The following TMCC1 variants were observed in gnomAD, a reference collection of about 807,000 sequenced individuals.
TMCC1 encodes the protein transmembrane and coiled-coil domain family 1.
TMCC1 carries 15 observed loss-of-function variants against 52.4 expected under a neutral mutation model. The ratio of observed to expected loss-of-function variants is 0.29; its 90% CI spans 0.19 to 0.44. TMCC1 has a LOEUF of 0.44. TMCC1 is among the 20% of genes least tolerant of loss of function. TMCC1 has a pLI of 1.00. For missense variants in TMCC1, 503 were observed against 806.0 expected (o/e 0.62, Z 4.55); for synonymous variants, 279 against 301.9 (o/e 0.92, Z 0.79).
intron 4 of TMCC1, among the ~76,000 whole-genome samples, chr3:129,706,327 T>C (rs2048243393): frequency 6.6e-6 from 1 of 151,760 alleles, no homozygotes; most frequent in Admixed American, 6.6e-5. Context: ...TGCCTCAGCC[T>C]CCTGAGTAGC....
chr3:129,692,123 T>G (rs1382053687), intron 4 of TMCC1, among the ~76,000 whole-genome samples: 1 of 152,224 alleles, frequency 6.6e-6, no homozygotes, highest in Non-Finnish European at 1.5e-5. Flanking sequence ...ATATACAGTT[T>G]ATTTCACTTG....
At chr3:129,880,864 C>CTT (rs62895562) in intron 1 of TMCC1, among the ~76,000 whole-genome samples, 6 of 136,052 alleles carry the variant, frequency 4.4e-5, no homozygotes, top group Middle Eastern at 3.8e-3. Flanking sequence ...AATTTTTTTT[C>CTT]TTTTTTTTTT....
chr3:129,845,741 TAA>T (rs1479089710), intron 2 of TMCC1, among the ~76,000 whole-genome samples: 3 of 152,162 alleles, frequency 2.0e-5, no homozygotes, highest in Non-Finnish European at 4.4e-5. Flanking sequence ...CCAAAGAGCC[TAA>T]GTGTCTGTGA....
intron 2 of TMCC1, among the ~76,000 whole-genome samples, chr3:129,846,355 A>T (rs2059664661): frequency 6.6e-6 from 1 of 152,198 alleles, no homozygotes; most frequent in Admixed American, 6.5e-5. Flanking sequence ...TACTTATAGA[A>T]GTGAAACCTT....
Position 129,670,450 on chromosome 3 carries a change from T to C in TMCC1, c.1391A>G (p.His464Arg), listed in dbSNP as rs763234013. The stretch of plus-strand genomic sequence containing the variant: ...GGTTTCCCGGATCTCCTGGATCTCA[T>C]GTAGTAGTGCATCAAATCCTGAGCT... ...MQSSGFDALL[H>R]EIQEIRETQA... Residue 464 changes from histidine to arginine, a missense_variant, in exon 5 of 7, where the codon CAT becomes CGT. His to Arg is a conservative substitution (Grantham distance 29). This residue lies in a region of TMCC1 where 121 missense variants were observed against 193.6 expected (regional missense o/e 0.62). Coordinates refer to ENST00000393238, the MANE Select transcript of TMCC1 (RefSeq NM_001017395.5). 7.4e-6 allele frequency: 12 copies of C among 1,614,088 alleles called. No individual in the cohort carries two copies. In the Admixed American group the frequency reaches 8.3e-5, roughly 11 times the overall value.
intron 2 of TMCC1, among the ~76,000 whole-genome samples, chr3:129,862,538 G>T (rs1354074232): frequency 6.6e-6 from 1 of 152,064 alleles, no homozygotes; most frequent in South Asian, 2.1e-4. Flanking sequence ...CTAAAGTAAG[G>T]GATGAGCTCA....
At position 129,651,547 on chromosome 3, in the gene TMCC1, G is replaced by A. The variant is rs937908619; in HGVS notation, c.1896C>T (p.Ala632=). 1.2e-6 allele frequency: 2 copies of A among 1,614,186 alleles called. No individual in the cohort carries two copies. Among genetic ancestry groups the A allele is most frequent in the Non-Finnish European group, 1.7e-6 (2 of 1,180,030 alleles). ...FSTLFLVVFI[A]FLWKHWDALF... ...GGGCGTCCCAGTGCTTCCAGAGAAA[G>A]GCAATAAAAACCACAAGGAATAAAG... is the stretch of plus-strand genomic sequence containing the variant. Residue 632 remains alanine, a synonymous_variant, in exon 7 of 7, where the codon GCC becomes GCT. Coordinates refer to ENST00000393238, the MANE Select transcript of TMCC1 (RefSeq NM_001017395.5). The surrounding 1 kb of genome is among the most constrained non-coding windows in gnomAD (Gnocchi z 5.1).
chr3:129,704,727 C>A (rs1183403626), intron 4 of TMCC1, among the ~76,000 whole-genome samples: 2 of 152,094 alleles, frequency 1.3e-5, no homozygotes, highest in African/African-American at 4.8e-5. Flanking sequence ...CCGGGCAGAA[C>A]ATTTTTAAGG....
intron 4 of TMCC1, among the ~76,000 whole-genome samples, chr3:129,722,337 C>G (rs996618762): frequency 2.6e-5 from 4 of 152,162 alleles, no homozygotes; most frequent in African/African-American, 9.7e-5. Flanking sequence ...GATAATCTAA[C>G]TAATGCCTGA....
At chr3:129,700,306 A>C (rs1400449714) in intron 4 of TMCC1, among the ~76,000 whole-genome samples, 2 of 152,196 alleles carry the variant, frequency 1.3e-5, no homozygotes, top group Non-Finnish European at 2.9e-5. Flanking sequence ...AAAAGACAAA[A>C]AAACCTATTA....
At chr3:129,703,007 CTT>C (rs1309673747) in intron 4 of TMCC1, among the ~76,000 whole-genome samples, 1 of 152,200 alleles carries the variant, frequency 6.6e-6, no homozygotes, top group Non-Finnish European at 1.5e-5. Flanking sequence ...CAGAGCGAGA[CTT>C]TGTCTCAAAA....
chr3:129,821,396 G>A (rs911210609), intron 4 of TMCC1, among the ~76,000 whole-genome samples: 2 of 152,034 alleles, frequency 1.3e-5, no homozygotes, highest in African/African-American at 4.8e-5. Flanking sequence ...AAGTATACAT[G>A]GAAAGGATCT....
rs1437786840 is a variant in TMCC1, at chr3:129,828,301, C to G, written c.78G>C (p.Lys26Asn). 1 of 1,614,112 alleles carries G rather than the reference C, an allele frequency of 6.2e-7. No individual in the cohort carries two copies. The highest frequency in any genetic ancestry group is 2.2e-5 in the East Asian group (1 of 44,884). ...ACAATTTTTGTTCTGATTCTGTCTG[C>G]TTTCTGGCCTCTGCATCTTGGGATT... is the stretch of plus-strand genomic sequence containing the variant. ...GGKSQDAEARKQTESEQKLSK... is the reference protein window; with the variant it reads ...GGKSQDAEARNQTESEQKLSK... The change falls in exon 4 of 7, where the codon AAG (lysine) becomes AAC (asparagine). Residue 26 changes from lysine to asparagine, a missense_variant. Transcript: ENST00000393238. This position sits in a 1 kb window ranked among gnomAD's most constrained non-coding sequence, Gnocchi z 4.1.
intron 4 of TMCC1, among the ~76,000 whole-genome samples, chr3:129,768,923 T>C (rs1560377366): frequency 6.6e-6 from 1 of 152,164 alleles, no homozygotes; most frequent in Non-Finnish European, 1.5e-5. Flanking sequence ...GGCTCCTGAT[T>C]TATCCCTGCA....
intron 2 of TMCC1, among the ~76,000 whole-genome samples, chr3:129,870,718 C>T (rs113623498): frequency 1.9e-3 from 27 of 13,902 alleles, no homozygotes; most frequent in South Asian, 0.014. Flanking sequence ...CGCGGGTTGG[C>T]GGGGGGGGGG....
chr3:129,680,825 G>C (rs956761712), intron 4 of TMCC1, among the ~76,000 whole-genome samples: 1 of 151,874 alleles, frequency 6.6e-6, no homozygotes, highest in Admixed American at 6.6e-5. Context: ...TGCTTGAACC[G>C]GGGGGTGGAG....
chr3:129,757,647 C>A (rs1190921558), intron 4 of TMCC1, among the ~76,000 whole-genome samples: 3 of 152,000 alleles, frequency 2.0e-5, no homozygotes, highest in African/African-American at 7.3e-5. Flanking sequence ...ATGTTGAAAC[C>A]CCGTCTCTAC....
At chr3:129,664,826 G>T (rs1434427900) in intron 5 of TMCC1, among the ~76,000 whole-genome samples, 1 of 152,114 alleles carries the variant, frequency 6.6e-6, no homozygotes, top group Non-Finnish European at 1.5e-5. Context: ...CTCACTACAG[G>T]AACAAAACTA....
At chr3:129,874,778 G>A (rs57066768) in intron 2 of TMCC1, among the ~76,000 whole-genome samples, 2,359 of 152,142 alleles carry the variant, frequency 0.016, 47 homozygotes, top group African/African-American at 0.055. Context: ...GATGGCTTGA[G>A]CCCAGCAGTT....
Sources: allele counts gnomAD v4.1 joint callset (sites outside exome capture counted in the v4.1 genomes callset), GRCh38; gene constraint gnomAD v4.1.1; regional missense constraint gnomAD v4.1.1; non-coding constraint Gnocchi (gnomAD v3.1); transcripts MANE v1.5; gene names NCBI Gene and HGNC (gene_info 2026-07-23, HGNC 2026-07-21).